The following COL11A1 variants were observed in gnomAD, a reference collection of about 807,000 sequenced individuals.
COL11A1 encodes collagen alpha-1(XI) chain.
Under a neutral mutation model 265.2 loss-of-function variants are expected in COL11A1, and 74 were observed. The observed-to-expected ratio is 0.28, with a 90% confidence interval of 0.23 to 0.34. The LOEUF (loss-of-function observed/expected upper bound fraction) is 0.34. Among genes scored for constraint, COL11A1 ranks in the 10% least tolerant of loss-of-function variants. The probability of loss-of-function intolerance (pLI) is 1.00; values close to 1 mark genes in which losing one functional copy is unlikely to be tolerated. For missense variants in COL11A1, 2,165 were observed against 2,263.6 expected (o/e 0.96, Z 0.88); for synonymous variants, 816 against 727.6 (o/e 1.12, Z -1.96).
chr1:103,059,615 TA>T (rs1360253666), intron 4 of COL11A1, among the ~76,000 whole-genome samples: 2 of 151,992 alleles, frequency 1.3e-5, no homozygotes, highest in African/African-American at 2.4e-5. Context: ...AGAACTTTAA[TA>T]AAAAAGTAGA....
chr1:102,919,581 G>C (rs1381472085), intron 49 of COL11A1, among the ~76,000 whole-genome samples: 1 of 151,770 alleles, frequency 6.6e-6, no homozygotes, highest in Non-Finnish European at 1.5e-5. Flanking sequence ...CTGAAAATTG[G>C]TAGTTTATTT....
chr1:103,045,120 C>A (rs1356885058), intron 4 of COL11A1, among the ~76,000 whole-genome samples: 1 of 152,022 alleles, frequency 6.6e-6, no homozygotes, highest in African/African-American at 2.4e-5. Context: ...GTGAGGGACA[C>A]CTTGTGAACC....
At chr1:103,034,384 T>C (rs1668205847) in intron 4 of COL11A1, among the ~76,000 whole-genome samples, 1 of 151,996 alleles carries the variant, frequency 6.6e-6, no homozygotes, top group African/African-American at 2.4e-5. Context: ...AATGTATTTT[T>C]CCCCCTTATT....
intron 54 of COL11A1, among the ~76,000 whole-genome samples, chr1:102,902,315 CAGAGTCTTGGCATATGG>C (rs1381482073): frequency 1.3e-5 from 2 of 152,098 alleles, no homozygotes; most frequent in Non-Finnish European, 2.9e-5. Context: ...TGGAGAAAGG[CAGAGTCTTGGCATATGG>C]AGATCTTGAT....
chr1:103,006,611 C>T (rs1323386654), intron 15 of COL11A1, among the ~76,000 whole-genome samples: 1 of 133,560 alleles, frequency 7.5e-6, no homozygotes, highest in African/African-American at 2.7e-5. Flanking sequence ...GATCTCGGCT[C>T]ACTGCAAGCT....
chr1:103,078,921 C>T (rs981464245), intron 2 of COL11A1, 50 bp from the exon 3 acceptor site: 1 of 1,312,982 alleles, frequency 7.6e-7, no homozygotes, highest in Non-Finnish European at 1.1e-6. Flanking sequence ...CCAATTTCTA[C>T]TTTATTCCTA....
intron 41 of COL11A1, among the ~76,000 whole-genome samples, chr1:102,956,735 C>CT (rs761860592): frequency 1.2e-4 from 18 of 151,584 alleles, no homozygotes; most frequent in Admixed American, 3.3e-4. Flanking sequence ...TAAAGTATAT[C>CT]ATAGGTACTT....
chr1:103,001,740 C>T (rs549204077), intron 24 of COL11A1, 185 bp downstream of exon 24: 2 of 616,128 alleles, frequency 3.2e-6, no homozygotes, highest in South Asian at 4.3e-5. Context: ...TTTTATCATT[C>T]TCAGTTTAAG....
At chr1:103,105,195 C>A (rs529374146) in intron 1 of COL11A1, among the ~76,000 whole-genome samples, 220 of 151,958 alleles carry the variant, frequency 1.4e-3, no homozygotes, top group African/African-American at 5.2e-3. Flanking sequence ...TCCAGGTAAA[C>A]CCCACCTCCT....
chr1:103,037,252 TTGTG>T (rs10582908), intron 4 of COL11A1, among the ~76,000 whole-genome samples: 26,723 of 144,786 alleles, frequency 0.18, 2,624 homozygotes, highest in Non-Finnish European at 0.22. Flanking sequence ...TACATTTAGA[TTGTG>T]TGTGTGTGTG....
At chr1:102,937,460 T>G (rs1274734115) in intron 44 of COL11A1, among the ~76,000 whole-genome samples, 3 of 152,174 alleles carry the variant, frequency 2.0e-5, no homozygotes, top group Non-Finnish European at 4.4e-5. Flanking sequence ...CCACTAAAAC[T>G]CATGTTGAAA....
At chr1:103,078,517 A>T (rs1672152484) in intron 3 of COL11A1, 141 bp downstream of exon 3, 2 of 730,212 alleles carry the variant, frequency 2.7e-6, no homozygotes, top group Non-Finnish European at 4.8e-6. Flanking sequence ...ACTATAAATT[A>T]TGTCTTTATG....
At chr1:102,975,024 C>A (rs1662333960) in intron 35 of COL11A1, 141 bp from the exon 36 acceptor site, 1 of 694,410 alleles carries the variant, frequency 1.4e-6, no homozygotes, top group African/African-American at 1.8e-5. Context: ...GGTAATACAA[C>A]ACGATAGTAA....
intron 66 of COL11A1, among the ~76,000 whole-genome samples, chr1:102,878,412 AAG>A (rs1030744013): frequency 9.9e-4 from 143 of 144,214 alleles, no homozygotes; most frequent in African/African-American, 3.3e-3. Context: ...TGTAATTAAA[AAG>A]AGTCTTGAGT....
intron 1 of COL11A1, among the ~76,000 whole-genome samples, chr1:103,102,050 A>C (rs972473988): frequency 4.6e-5 from 7 of 152,068 alleles, no homozygotes; most frequent in Admixed American, 3.9e-4. Flanking sequence ...GATATTACTC[A>C]CTAAATCACT....
At chr1:102,971,733 T>G (rs903307136) in intron 36 of COL11A1, among the ~76,000 whole-genome samples, 2 of 152,118 alleles carry the variant, frequency 1.3e-5, no homozygotes, top group African/African-American at 4.8e-5. Context: ...CTCCCTTAAG[T>G]CATGTGTATT....
intron 4 of COL11A1, 122 bp from the exon 5 acceptor site, chr1:103,031,366 T>G: frequency 8.4e-7 from 1 of 1,190,620 alleles, no homozygotes; most frequent in Non-Finnish European, 1.2e-6. Flanking sequence ...ATGACCTACT[T>G]ATATTTCAAT....
At chr1:102,940,900 G>A (rs142725964) in intron 42 of COL11A1, among the ~76,000 whole-genome samples, 269 of 151,988 alleles carry the variant, frequency 1.8e-3, no homozygotes, top group African/African-American at 5.6e-3. Context: ...GGTTCTCCTG[G>A]TTTTTAAAAA....
intron 41 of COL11A1, 185 bp downstream of exon 41, chr1:102,961,681 T>C: frequency 3.3e-6 from 2 of 598,492 alleles, no homozygotes; most frequent in Admixed American, 2.4e-5. Context: ...TTTCCAATCA[T>C]CCAAACCCTT....
Sources: gnomAD v4.1 joint callset for allele counts (sites outside exome capture counted in the v4.1 genomes callset) on GRCh38, gnomAD v4.1.1 for gene constraint, MANE v1.5 for transcripts, NCBI Gene and HGNC (gene_info 2026-07-23, HGNC 2026-07-21) for gene names.